Variants in ELF1 observed in about 807,000 individuals in gnomAD.
ELF1 encodes E74 like ETS transcription factor 1.
Under a neutral mutation model 59.9 loss-of-function variants are expected in ELF1, and 24 were observed. The observed-to-expected ratio is 0.40, with a 90% CI of 0.29 to 0.56. The LOEUF (loss-of-function observed/expected upper bound fraction) is 0.56. Among genes scored for constraint, ELF1 ranks in the 20% least tolerant of loss-of-function variants. ELF1 has a pLI of 0.44. For synonymous variants in ELF1, 248 were observed against 266.2 expected (o/e 0.93, Z 0.67); for missense variants, 627 against 742.2 (o/e 0.84, Z 1.80).
At chr13:41,018,067 C>CACTT (rs1353100351) in intron 1 of ELF1, among the ~76,000 whole-genome samples, 1 of 152,166 alleles carries the variant, frequency 6.6e-6, no homozygotes, top group Non-Finnish European at 1.5e-5. Flanking sequence ...GGCCTTCAAG[C>CACTT]ACTTAGTAAG....
At chr13:41,014,215 T>G (rs1300086911) in intron 1 of ELF1, among the ~76,000 whole-genome samples, 1 of 152,166 alleles carries the variant, frequency 6.6e-6, no homozygotes, top group Non-Finnish European at 1.5e-5. Context: ...TCCTTTTCAT[T>G]ATAGACCTAT....
upstream of ELF1, among the ~76,000 whole-genome samples, chr13:41,019,564 C>A (rs1875605114): frequency 1.3e-5 from 2 of 151,934 alleles, no homozygotes; most frequent in East Asian, 1.9e-4. Context: ...TAAGAACCTA[C>A]AAGGGAGCAA....
intron 1 of ELF1, among the ~76,000 whole-genome samples, chr13:41,058,485 G>A (rs988915509): frequency 3.3e-5 from 5 of 152,160 alleles, no homozygotes; most frequent in Non-Finnish European, 7.3e-5. Flanking sequence ...CAACTCAGAT[G>A]TTGCCTTACC....
intron 2 of ELF1, among the ~76,000 whole-genome samples, chr13:40,964,029 T>C (rs1403418834): frequency 6.6e-6 from 1 of 152,032 alleles, no homozygotes; most frequent in Non-Finnish European, 1.5e-5. Context: ...TCTACTACCA[T>C]AAATAGAAAA....
At chr13:41,012,866 T>C (rs1194509012) in intron 1 of ELF1, among the ~76,000 whole-genome samples, 1 of 152,144 alleles carries the variant, frequency 6.6e-6, no homozygotes, top group Non-Finnish European at 1.5e-5. Context: ...TTGTCAACTA[T>C]TCTAAAATTG....
intron 1 of ELF1, among the ~76,000 whole-genome samples, chr13:41,046,862 T>A (rs1031198980): frequency 1.8e-4 from 27 of 152,222 alleles, no homozygotes; most frequent in African/African-American, 5.5e-4. Flanking sequence ...TTCTCCTGGA[T>A]TATATCCTGA....
At chr13:41,026,399 A>G (rs1426438598) in intron 1 of ELF1, among the ~76,000 whole-genome samples, 2 of 152,176 alleles carry the variant, frequency 1.3e-5, no homozygotes, top group Non-Finnish European at 2.9e-5. Flanking sequence ...TGACCAGAAA[A>G]GCTGCTAGTT....
chr13:41,054,484 G>A (rs1172895194), intron 1 of ELF1, among the ~76,000 whole-genome samples: 5 of 152,132 alleles, frequency 3.3e-5, no homozygotes, highest in Non-Finnish European at 4.4e-5. Context: ...ACAGACACAC[G>A]CAGGTATGCA....
intron 1 of ELF1, among the ~76,000 whole-genome samples, chr13:41,025,345 G>C (rs1875850509): frequency 6.6e-6 from 1 of 152,174 alleles, no homozygotes; most frequent in Non-Finnish European, 1.5e-5. Flanking sequence ...TCTACAGAAG[G>C]ATCTCCTCAA....
rs1244569550 is a variant in ELF1 at position 41,060,863 on chromosome 13, CCTT to C, written c.-257_-255del. 1.2e-5 allele frequency: 4 copies of C among 330,606 alleles called. 1 individual carries two copies. Among genetic ancestry groups the C allele is most frequent in the African/African-American group, 9.0e-5 (4 of 44,368 alleles). 20.5% of individuals were successfully genotyped at this position (330,606 alleles called of 1,614,324 possible). On this transcript the variant is annotated 5_prime_UTR_variant, in exon 1 of 2. Coordinates refer to the ELF1 transcript ENST00000405737. ...CTGACAAGCATAAGTGCCTCTGCCT[CCTT>C]CGCCGCACCTCTCGCCACCGCCGCC...
intron 1 of ELF1, among the ~76,000 whole-genome samples, chr13:40,989,459 G>A (rs968632737): frequency 2.6e-5 from 4 of 152,138 alleles, no homozygotes; most frequent in African/African-American, 2.4e-5. Flanking sequence ...CTATGTTTTT[G>A]CAATCTAAAC....
intron 1 of ELF1, among the ~76,000 whole-genome samples, chr13:40,999,199 G>GT (rs1874276546): frequency 6.6e-6 from 1 of 152,118 alleles, no homozygotes; most frequent in Non-Finnish European, 1.5e-5. Flanking sequence ...CATGAAACTT[G>GT]TTTTTTGCAA....
In ELF1 at chr13:40,932,441, GA is replaced by G; in HGVS notation, c.*983del. The G allele has an allele frequency of 6.7e-6, 1 of 149,976 alleles. No individual in the cohort carries two copies. Among genetic ancestry groups the G allele is most frequent in the African/African-American group, 2.4e-5 (1 of 40,826 alleles). 9.3% of individuals were successfully genotyped at this position (149,976 alleles called of 1,614,324 possible). A position where few individuals can be genotyped will look rare whatever the true frequency, so the allele number is the denominator to read the frequency against. ...CTCAAGTTGCTTTCTTGGCCCTTAA[GA>G]AAGAGTCTTGACTCTCTCAAAATAG... On this transcript the variant is annotated 3_prime_UTR_variant, in exon 9 of 9. Transcript: ENST00000239882.
At chr13:40,981,369 A>C (rs1873261014) in intron 2 of ELF1, among the ~76,000 whole-genome samples, 1 of 152,042 alleles carries the variant, frequency 6.6e-6, no homozygotes, top group Admixed American at 6.6e-5. Flanking sequence ...GAAGGAGACT[A>C]AAATTAATCT....
At chr13:41,002,410 G>A (rs4941392) in intron 1 of ELF1, among the ~76,000 whole-genome samples, 149,080 of 151,942 alleles carry the variant, frequency 0.98, 73,155 homozygotes, top group East Asian at 1. Flanking sequence ...TGGGAGGCCA[G>A]AGTGGGTGGA....
chr13:40,949,457 A>G (rs1382676931), intron 5 of ELF1, among the ~76,000 whole-genome samples: 3 of 152,032 alleles, frequency 2.0e-5, no homozygotes, highest in Admixed American at 6.6e-5. Flanking sequence ...TCCTGAGCTC[A>G]AGGGATCCTC....
Position 41,013,960 on chromosome 13 carries a change from A to T in ELF1, c.-229+5268T>A, listed in dbSNP as rs73469298. Reference sequence around the variant, plus strand: ...TTCTTTAATTATATTTATATTTTTAAAATTGTACCATGTAACAGCCCAGAC... The same window carrying T: ...TTCTTTAATTATATTTATATTTTTATAATTGTACCATGTAACAGCCCAGAC... On this transcript the variant is annotated intron_variant, in intron 1 of 8. Coordinates refer to ENST00000239882, the MANE Select transcript of ELF1 (RefSeq NM_172373.4). Among the ~76,000 whole-genome samples, 1,160 of 152,152 alleles carry T rather than the reference A, an allele frequency of 7.6e-3. 14 individuals carry two copies. The highest frequency in any genetic ancestry group is 0.026 in the African/African-American group (1,093 of 41,516).
Position 41,046,930 on chromosome 13 carries a change from C to T in ELF1, c.-229+13908G>A, listed in dbSNP as rs148032561. 3.1e-3 allele frequency among the ~76,000 whole-genome samples: 470 copies of T among 152,270 alleles called. 2 individuals are homozygous for T. Among genetic ancestry groups the T allele is most frequent in the African/African-American group, 0.011 (443 of 41,548 alleles). On this transcript the variant is annotated intron_variant, in intron 1 of 1. Coordinates refer to the ELF1 transcript ENST00000405737. ...GTCACTTTCAGGTACACCAATGAGACGCAGATTTGGTCTTTTCACATAGTC... is the reference window on the plus strand; with the variant it reads ...GTCACTTTCAGGTACACCAATGAGATGCAGATTTGGTCTTTTCACATAGTC...
chr13:40,933,212 G>A lies in ELF1; in HGVS notation c.*213C>T. On this transcript the variant is annotated 3_prime_UTR_variant, in exon 9 of 9. Coordinates refer to ENST00000239882, the MANE Select transcript of ELF1 (RefSeq NM_172373.4). ...AAAGAATGTCTTCATAGTGTAAAAT[G>A]CCTGTTCCTTCACGATTGAATTCTG... 1 of 572,002 alleles carries A rather than the reference G, an allele frequency of 1.7e-6. No homozygotes were observed. Among genetic ancestry groups the A allele is most frequent in the Non-Finnish European group, 2.9e-6 (1 of 342,910 alleles). The allele number at this position is 572,002 out of a possible 1,614,324, so 35.4% of individuals were successfully genotyped here.
Sources: allele counts gnomAD v4.1 joint callset (sites outside exome capture counted in the v4.1 genomes callset), GRCh38; gene constraint gnomAD v4.1.1; transcripts MANE v1.5; gene names NCBI Gene and HGNC (gene_info 2026-07-23, HGNC 2026-07-21).